Variants in PARD3B observed in about 807,000 individuals in gnomAD.
PARD3B encodes partitioning defective 3 homolog B.
PARD3B carries 103 observed loss-of-function variants against 130.2 expected under a neutral mutation model. The ratio of observed to expected loss-of-function variants is 0.79; its 90% CI spans 0.67 to 0.93. The LOEUF is 0.93. PARD3B is among the 40% of genes least tolerant of loss of function. The pLI, the probability that PARD3B is intolerant of heterozygous loss-of-function variation, is 0.00. For synonymous variants in PARD3B, 583 were observed against 553.2 expected, an observed-to-expected ratio of 1.05 and a Z score of -0.76; for missense variants, 1,609 against 1,499.2, an observed-to-expected ratio of 1.07 and a Z score of -1.21.
intron 15 of PARD3B, among the ~76,000 whole-genome samples, chr2:205,221,172 C>T (rs181470415): frequency 6.6e-6 from 1 of 152,260 alleles, no homozygotes; most frequent in African/African-American, 2.4e-5. Context: ...TTACATCTGT[C>T]AAGGTGAGAG....
intron 2 of PARD3B, among the ~76,000 whole-genome samples, chr2:204,712,627 CA>C (rs929973560): frequency 3.0e-5 from 4 of 134,902 alleles, no homozygotes; most frequent in African/African-American, 8.6e-5. Context: ...AAAAAAAAAA[CA>C]AAAAAAAAAG....
At chr2:204,590,333 G>A (rs1398424039) in intron 1 of PARD3B, among the ~76,000 whole-genome samples, 1 of 152,132 alleles carries the variant, frequency 6.6e-6, no homozygotes, top group Non-Finnish European at 1.5e-5. Context: ...CATCCCATTT[G>A]GGATTTGATT....
intron 1 of PARD3B, among the ~76,000 whole-genome samples, chr2:204,634,790 A>T (rs558336359): frequency 1.3e-5 from 2 of 152,282 alleles, no homozygotes; most frequent in South Asian, 4.1e-4. Context: ...CTGCGATATT[A>T]GTGGCCATAG....
chr2:204,692,026 G>C (rs1446529414), intron 2 of PARD3B, among the ~76,000 whole-genome samples: 1 of 152,074 alleles, frequency 6.6e-6, no homozygotes, highest in South Asian at 2.1e-4. Context: ...ACTGGTTTGC[G>C]CAATGCTGCA....
At chr2:204,577,172 G>T (rs1217401689) in intron 1 of PARD3B, among the ~76,000 whole-genome samples, 1 of 152,110 alleles carries the variant, frequency 6.6e-6, no homozygotes, top group African/African-American at 2.4e-5. Context: ...ATATTGTGTG[G>T]CACTATTCAT....
chr2:205,543,103 G>A (rs1182716478), intron 21 of PARD3B, among the ~76,000 whole-genome samples: 1 of 152,062 alleles, frequency 6.6e-6, no homozygotes, highest in African/African-American at 2.4e-5. Context: ...TTAATGAACG[G>A]ACTGATACAA....
At chr2:204,965,375 T>C in intron 3 of PARD3B, 52 bp downstream of exon 3, 1 of 1,542,070 alleles carries the variant, frequency 6.5e-7, no homozygotes, top group Non-Finnish European at 8.9e-7. Context: ...ATCCGTCATC[T>C]TGTTGATTAG....
chr2:205,235,727 G>A (rs2039032821), intron 15 of PARD3B, among the ~76,000 whole-genome samples: 1 of 152,192 alleles, frequency 6.6e-6, no homozygotes, highest in South Asian at 2.1e-4. Context: ...TTTAAAAAGT[G>A]TGAATTGTTT....
intron 1 of PARD3B, among the ~76,000 whole-genome samples, chr2:204,632,143 TGA>T (rs1432714161): frequency 3.3e-5 from 5 of 152,112 alleles, no homozygotes; most frequent in Non-Finnish European, 5.9e-5. Context: ...TGAGATGTCA[TGA>T]AATCTAGTCA....
chr2:204,942,629 A>G (rs1575376124), intron 2 of PARD3B, among the ~76,000 whole-genome samples: 1 of 152,336 alleles, frequency 6.6e-6, no homozygotes, highest in South Asian at 2.1e-4. Flanking sequence ...TATTTAAAAA[A>G]AAAAAAGACA....
In PARD3B at chr2:205,183,306, G is replaced by C. The variant is rs777957111; in HGVS notation, c.1925-2458G>C. Among the ~76,000 whole-genome samples the C allele has an allele frequency of 1.3e-5, 2 of 152,158 alleles. No individual in the cohort carries two copies. Among genetic ancestry groups the C allele is most frequent in the Non-Finnish European group, 2.9e-5 (2 of 68,046 alleles). On this transcript the variant is annotated intron_variant, in intron 13 of 22. Coordinates refer to ENST00000406610, the MANE Select transcript of PARD3B (RefSeq NM_001302769.2). The surrounding 1 kb of genome is among the most constrained non-coding windows in gnomAD (Gnocchi z 5.2). The stretch of plus-strand genomic sequence containing the variant: ...CAATGTGTGCAGCTGAAGTGATTTT[G>C]AGCAACAAGTTACATGATCACAAAT...
intron 4 of PARD3B, among the ~76,000 whole-genome samples, chr2:205,097,946 C>CAT (rs1702501774): frequency 6.6e-6 from 1 of 151,876 alleles, no homozygotes; most frequent in Non-Finnish European, 1.5e-5. Context: ...AATGGCAAGG[C>CAT]ATTTCCAAAG....
At chr2:204,794,996 G>C (rs893175172) in intron 2 of PARD3B, among the ~76,000 whole-genome samples, 3 of 152,094 alleles carry the variant, frequency 2.0e-5, no homozygotes, top group Non-Finnish European at 4.4e-5. Flanking sequence ...GTTAAAGATT[G>C]GTGTCATTGT....
intron 15 of PARD3B, among the ~76,000 whole-genome samples, chr2:205,204,370 T>A (rs1248450920): frequency 6.6e-6 from 1 of 152,234 alleles, no homozygotes; most frequent in Non-Finnish European, 1.5e-5. Flanking sequence ...GATGGATAGA[T>A]TGCAAAAATT....
intron 18 of PARD3B, among the ~76,000 whole-genome samples, chr2:205,349,815 TTTTTTA>T (rs1425152726): frequency 2.0e-5 from 3 of 148,288 alleles, no homozygotes; most frequent in South Asian, 2.1e-4. Flanking sequence ...TTTTTTTTTT[TTTTTTA>T]AAAAAAGAGG....
intron 20 of PARD3B, among the ~76,000 whole-genome samples, chr2:205,477,661 G>T (rs747985912): frequency 1.1e-4 from 17 of 152,028 alleles, no homozygotes; most frequent in Non-Finnish European, 2.2e-4. Context: ...AAAGTCAAAA[G>T]GAAGGAATTT....
At chr2:204,562,296 CAG>C (rs1244485615) in intron 1 of PARD3B, among the ~76,000 whole-genome samples, 1 of 152,174 alleles carries the variant, frequency 6.6e-6, no homozygotes, top group African/African-American at 2.4e-5. Context: ...TCAAGTGACT[CAG>C]AAATCCTCAC....
intron 2 of PARD3B, among the ~76,000 whole-genome samples, chr2:204,722,503 A>T (rs956456281): frequency 1.3e-5 from 2 of 152,196 alleles, no homozygotes; most frequent in Non-Finnish European, 1.5e-5. Flanking sequence ...GTTGGTTACC[A>T]TGCCCATTGC....
intron 18 of PARD3B, among the ~76,000 whole-genome samples, chr2:205,323,413 G>C (rs1024634446): frequency 1.3e-5 from 2 of 152,112 alleles, no homozygotes; most frequent in African/African-American, 2.4e-5. Context: ...AGCACATGTA[G>C]AGCTCAACTT....
Sources: gnomAD v4.1 joint callset for allele counts (sites outside exome capture counted in the v4.1 genomes callset) on GRCh38, gnomAD v4.1.1 for gene constraint, Gnocchi (gnomAD v3.1) non-coding constraint, MANE v1.5 for transcripts, NCBI Gene and HGNC (gene_info 2026-07-23, HGNC 2026-07-21) for gene names.